The following SYT9 variants were observed in gnomAD, a reference collection of about 807,000 sequenced individuals.
The protein encoded by SYT9 is synaptotagmin-9.
SYT9 carries 22 observed loss-of-function variants against 48.4 expected under a neutral mutation model. The observed-to-expected ratio is 0.45, with a 90% CI of 0.32 to 0.65. SYT9 has a LOEUF of 0.65. Among genes scored for constraint, SYT9 ranks in the 30% least tolerant of loss-of-function variants. The pLI is 0.03. For synonymous variants in SYT9, 265 were observed against 245.0 expected (o/e 1.08, Z -0.76); for missense variants, 577 against 622.0 (o/e 0.93, Z 0.77).
intron 3 of SYT9, among the ~76,000 whole-genome samples, chr11:7,347,770 A>T (rs1849830471): frequency 6.6e-6 from 1 of 152,198 alleles, no homozygotes; most frequent in Non-Finnish European, 1.5e-5. Context: ...AGATTGAGAC[A>T]GGGATCAAGA....
At position 7,303,311 on chromosome 11, in the gene SYT9, A is replaced by T. The variant is rs1234576363; in HGVS notation, c.418A>T (p.Thr140Ser). 6.2e-7 allele frequency: 1 copy of T among 1,613,704 alleles called. No individual in the cohort carries two copies. The highest frequency in any genetic ancestry group is 8.5e-7 in the Non-Finnish European group (1 of 1,179,966). The change falls in exon 2 of 7, where the codon ACC becomes TCC. Residue 140 changes from threonine to serine, a missense_variant. By Grantham distance (58) the Thr-to-Ser change is moderately conservative (BLOSUM62 1). Transcript: ENST00000318881. Reference protein sequence around the residue: ...SHTSPDIPLSTQTGIQENCAH... With the variant: ...SHTSPDIPLSSQTGIQENCAH... ...CACCTCCCCTGACATTCCCCTCTCCACCCAGACGGGGATCCAGGAGAACTG... is the reference window on the plus strand; with the variant it reads ...CACCTCCCCTGACATTCCCCTCTCCTCCCAGACGGGGATCCAGGAGAACTG...
intron 1 of SYT9, among the ~76,000 whole-genome samples, chr11:7,268,209 T>C (rs114113117): frequency 1.6e-3 from 242 of 152,138 alleles, no homozygotes; most frequent in African/African-American, 5.6e-3. Flanking sequence ...AGCACAAGAA[T>C]TAAAGGTCAT....
At chr11:7,421,511 A>T (rs1161818282) in intron 6 of SYT9, among the ~76,000 whole-genome samples, 2 of 152,222 alleles carry the variant, frequency 1.3e-5, no homozygotes, top group African/African-American at 4.8e-5. Context: ...TCCAACTAAA[A>T]ACCAGGGTTC....
rs750829512 is a variant in SYT9 at position 7,313,468 on chromosome 11, C to G, written c.571C>G (p.Gln191Glu). The change falls in exon 3 of 7, where the codon CAG becomes GAG. Residue 191 changes from glutamine to glutamate, a missense_variant. By Grantham distance (29) the Gln-to-Glu change is conservative (BLOSUM62 2). Coordinates refer to ENST00000318881, the MANE Select transcript of SYT9 (RefSeq NM_175733.4). The part of the protein sequence containing the change: ...FNIQQLQKQE[Q>E]LTGIGRIKPE... ...TATCCAGCAGCTTCAAAAACAGGAA[C>G]AGTTGACTGGAATTGGTAGAATTAA... The G allele has an allele frequency of 5.0e-6, 8 of 1,614,066 alleles. No individual in the cohort carries two copies. Among genetic ancestry groups the G allele is most frequent in the South Asian group, 4.4e-5 (4 of 91,040 alleles).
intron 3 of SYT9, among the ~76,000 whole-genome samples, chr11:7,334,368 TG>T (rs1305557759): frequency 1.3e-5 from 2 of 151,242 alleles, no homozygotes; most frequent in African/African-American, 4.9e-5. Context: ...GAGGGGAGAG[TG>T]AGGGGATGGT....
At chr11:7,251,123 C>CAA (rs1847859044), upstream of SYT9, among the ~76,000 whole-genome samples, 1 of 150,192 alleles carries the variant, frequency 6.7e-6, no homozygotes, top group African/African-American at 2.5e-5. Context: ...CACACACACA[C>CAA]ACACACACAC....
intron 6 of SYT9, among the ~76,000 whole-genome samples, chr11:7,462,542 C>T (rs1362546274): frequency 6.6e-6 from 1 of 151,940 alleles, no homozygotes; most frequent in African/African-American, 2.4e-5. Context: ...AAACTGGCAG[C>T]GCGTGATAAT....
chr11:7,334,226 G>T (rs1329000278), intron 3 of SYT9, among the ~76,000 whole-genome samples: 1 of 142,250 alleles, frequency 7.0e-6, no homozygotes, highest in Non-Finnish European at 1.6e-5. Context: ...ACTCAGGAAG[G>T]AGCAAGAATA....
rs140223553 is a variant in SYT9 at position 7,271,827 on chromosome 11, C to T, written c.145+19496C>T. Among the ~76,000 whole-genome samples the T allele has an allele frequency of 6.2e-4, 94 of 152,246 alleles. No homozygotes were observed. In the East Asian group the frequency reaches 0.012, roughly 20 times the overall value. On this transcript the variant is annotated intron_variant, in intron 1 of 6. Transcript: ENST00000318881. ...TCCTGACCTCATGATCTGCCCGCCT[C>T]GGCCTCCCAAAGTGCTGGGATTATA...
intron 3 of SYT9, among the ~76,000 whole-genome samples, chr11:7,389,251 G>T (rs1850717458): frequency 6.6e-6 from 1 of 152,084 alleles, no homozygotes; most frequent in South Asian, 2.1e-4. Context: ...ACCTGAGGAT[G>T]GTACTGGGGA....
At chr11:7,286,004 G>T (rs1006387778) in intron 1 of SYT9, among the ~76,000 whole-genome samples, 1 of 152,170 alleles carries the variant, frequency 6.6e-6, no homozygotes, top group Non-Finnish European at 1.5e-5. Context: ...TTTAGTGCCT[G>T]TGGCTTTTCC....
chr11:7,331,078 G>A (rs1269577669), intron 3 of SYT9, among the ~76,000 whole-genome samples: 1 of 151,774 alleles, frequency 6.6e-6, no homozygotes, highest in Admixed American at 6.6e-5. Context: ...GATTACAGGC[G>A]TGAGCCACAG....
At chr11:7,367,336 C>T (rs56845423) in intron 3 of SYT9, among the ~76,000 whole-genome samples, 3,332 of 151,420 alleles carry the variant, frequency 0.022, 113 homozygotes, top group African/African-American at 0.077. Flanking sequence ...CCTCCTCGGC[C>T]TCCCAGAGTG....
chr11:7,322,909 A>G (rs1005871076), intron 3 of SYT9, among the ~76,000 whole-genome samples: 1 of 152,100 alleles, frequency 6.6e-6, no homozygotes, highest in Non-Finnish European at 1.5e-5. Context: ...AGTTTTGCCT[A>G]TTGTTGAAAT....
intron 6 of SYT9, chr11:7,454,093 T>C: frequency 2.0e-6 from 2 of 985,406 alleles, no homozygotes; most frequent in Non-Finnish European, 2.4e-6. Context: ...TTTTCTGACA[T>C]TGCTGCTCCC....
chr11:7,344,248 T>G (rs73397532), intron 3 of SYT9, among the ~76,000 whole-genome samples: 68 of 152,288 alleles, frequency 4.5e-4, no homozygotes, highest in African/African-American at 1.6e-3. Context: ...CCCCATCTTT[T>G]TTTTTCGTTT....
intron 3 of SYT9, among the ~76,000 whole-genome samples, chr11:7,344,437 T>C (rs931682368): frequency 6.6e-6 from 1 of 152,216 alleles, no homozygotes; most frequent in African/African-American, 2.4e-5. Flanking sequence ...TTTTATAGGG[T>C]ATGTTTTCAG....
Position 7,349,048 on chromosome 11 carries a change from C to A in SYT9, c.1044+35107C>A, listed in dbSNP as rs188914359. ...TCCAGATGTGCTTTTGAGCTCCCCG[C>A]AGCTTTTAGGGAGTGGCTTCCAAAT... On this transcript the variant is annotated intron_variant, in intron 3 of 6. Coordinates refer to ENST00000318881, the MANE Select transcript of SYT9 (RefSeq NM_175733.4). Among the ~76,000 whole-genome samples the A allele has an allele frequency of 6.3e-3, 957 of 152,046 alleles. 5 individuals are homozygous for A. Among genetic ancestry groups the A allele is most frequent in the Admixed American group, 0.012 (183 of 15,278 alleles).
At chr11:7,370,293 A>G (rs568183988) in intron 3 of SYT9, among the ~76,000 whole-genome samples, 89 of 152,300 alleles carry the variant, frequency 5.8e-4, no homozygotes, top group Non-Finnish European at 1.0e-3. Flanking sequence ...AGTCACTTCT[A>G]GCAGTATTTT....
Sources: allele counts gnomAD v4.1 joint callset (sites outside exome capture counted in the v4.1 genomes callset), GRCh38; gene constraint gnomAD v4.1.1; transcripts MANE v1.5; gene names NCBI Gene and HGNC (gene_info 2026-07-23, HGNC 2026-07-21).